The following ARHGEF3 variants were observed in gnomAD, a reference collection of about 807,000 sequenced individuals.
ARHGEF3 encodes the protein Rho guanine nucleotide exchange factor 3.
A neutral mutation model predicts 63.2 loss-of-function variants in ARHGEF3; 28 were observed. The observed-to-expected ratio is 0.44, with a 90% CI of 0.33 to 0.61. The LOEUF is 0.61. Among genes scored for constraint, ARHGEF3 ranks in the 20% least tolerant of loss-of-function variants. The pLI, the probability that ARHGEF3 is intolerant of heterozygous loss-of-function variation, is 0.03. For synonymous variants in ARHGEF3, 266 were observed against 254.2 expected, an observed-to-expected ratio of 1.05 and a Z score of -0.44; for missense variants, 533 against 659.3, an observed-to-expected ratio of 0.81 and a Z score of 2.10.
At chr3:57,024,318 G>A (rs1703381556) in intron 2 of ARHGEF3, among the ~76,000 whole-genome samples, 2 of 148,486 alleles carry the variant, frequency 1.3e-5, no homozygotes, top group Admixed American at 6.7e-5. Context: ...AAAAAAGTAG[G>A]GGGCTGCCTC....
At chr3:57,030,741 T>G (rs1004945541) in intron 2 of ARHGEF3, among the ~76,000 whole-genome samples, 1 of 152,216 alleles carries the variant, frequency 6.6e-6, no homozygotes, top group Non-Finnish European at 1.5e-5. Context: ...CAGTCACTGA[T>G]GACCACAGAA....
chr3:56,910,694 G>GA (rs768972516), intron 3 of ARHGEF3, among the ~76,000 whole-genome samples: 13 of 152,118 alleles, frequency 8.5e-5, no homozygotes, highest in Non-Finnish European at 1.6e-4. Flanking sequence ...TACAGTAACT[G>GA]AAAAATAATA....
chr3:57,055,993 T>G (rs1428239491), intron 1 of ARHGEF3, among the ~76,000 whole-genome samples: 1 of 152,206 alleles, frequency 6.6e-6, no homozygotes, highest in Non-Finnish European at 1.5e-5. Flanking sequence ...TGCTGGGCAC[T>G]GTGTGCCTCT....
chr3:56,822,423 GTA>G (rs890406682), intron 4 of ARHGEF3, among the ~76,000 whole-genome samples: 1 of 152,086 alleles, frequency 6.6e-6, no homozygotes, highest in African/African-American at 2.4e-5. Flanking sequence ...GCATAAACAA[GTA>G]TACTGATGAA....
At chr3:56,984,324 TA>T (rs1701450905) in intron 2 of ARHGEF3, among the ~76,000 whole-genome samples, 2 of 152,154 alleles carry the variant, frequency 1.3e-5, no homozygotes, top group Admixed American at 6.5e-5. Context: ...GTCGCATTGA[TA>T]ATTGTTTCTT....
chr3:56,892,027 C>A (rs931153640), intron 3 of ARHGEF3, among the ~76,000 whole-genome samples: 1 of 152,126 alleles, frequency 6.6e-6, no homozygotes, highest in Non-Finnish European at 1.5e-5. Flanking sequence ...GGAGGGAAGA[C>A]ATGTCCAACC....
chr3:57,078,929 C>G (rs2107439796), intron 1 of ARHGEF3: 1 of 289,580 alleles, frequency 3.5e-6, no homozygotes, highest in East Asian at 5.4e-5. Context: ...CCAGCAGGAG[C>G]GACGGCTAGT....
At chr3:57,029,294 G>C (rs977487484) in intron 2 of ARHGEF3, among the ~76,000 whole-genome samples, 1 of 152,174 alleles carries the variant, frequency 6.6e-6, no homozygotes, top group African/African-American at 2.4e-5. Context: ...GCTGGTCGTG[G>C]TGGCACATGC....
At chr3:56,812,791 A>T (rs976374749) in intron 4 of ARHGEF3, among the ~76,000 whole-genome samples, 3 of 152,242 alleles carry the variant, frequency 2.0e-5, no homozygotes, top group Non-Finnish European at 4.4e-5. Flanking sequence ...AAGAAGCCAA[A>T]GGAAGAAGGA....
At chr3:57,062,121 C>A (rs982657580) in intron 1 of ARHGEF3, among the ~76,000 whole-genome samples, 1 of 151,798 alleles carries the variant, frequency 6.6e-6, no homozygotes, top group African/African-American at 2.4e-5. Flanking sequence ...AATCCAACTC[C>A]ATCTAGATGG....
At chr3:56,813,530 G>A (rs2038150550) in intron 4 of ARHGEF3, among the ~76,000 whole-genome samples, 1 of 152,050 alleles carries the variant, frequency 6.6e-6, no homozygotes, top group South Asian at 2.1e-4. Context: ...CTCTTCATTT[G>A]GATTCTGCTG....
chr3:56,987,086 C>T (rs142235982), intron 2 of ARHGEF3, among the ~76,000 whole-genome samples: 1 of 152,214 alleles, frequency 6.6e-6, no homozygotes, highest in East Asian at 1.9e-4. Context: ...GTGATGCATG[C>T]CTGTAGTCCC....
rs74623810 is a variant in ARHGEF3, at chr3:56,932,089, T to C, written c.129+26734A>G. 5.4e-3 allele frequency among the ~76,000 whole-genome samples: 815 copies of C among 152,328 alleles called. 7 individuals carry two copies. The highest frequency in any genetic ancestry group is 0.019 in the African/African-American group (792 of 41,568). ...TTTAAAATTCCATCTTAAGTAAGCA[T>C]GGGATTTAGTCCAATTCATTGCATT... On this transcript the variant is annotated intron_variant, in intron 3 of 12. Transcript: ENST00000338458.
At chr3:56,741,336 C>T (rs1389596454) in intron 7 of ARHGEF3, among the ~76,000 whole-genome samples, 4 of 151,390 alleles carry the variant, frequency 2.6e-5, no homozygotes, top group Non-Finnish European at 5.9e-5. Flanking sequence ...CAGGCATGCA[C>T]CACCATGCCC....
intron 2 of ARHGEF3, among the ~76,000 whole-genome samples, chr3:57,022,565 C>G (rs1446851257): frequency 6.6e-6 from 1 of 152,156 alleles, no homozygotes; most frequent in African/African-American, 2.4e-5. Flanking sequence ...GCCACATTTC[C>G]TCTTCTCTAC....
intron 1 of ARHGEF3, among the ~76,000 whole-genome samples, chr3:57,065,339 T>C (rs924593291): frequency 1.3e-5 from 2 of 152,152 alleles, no homozygotes; most frequent in African/African-American, 4.8e-5. Context: ...TGTGCACCTG[T>C]AGTCCCAGCT....
At chr3:56,941,190 C>T (rs537233343) in intron 3 of ARHGEF3, 1 of 152,600 alleles carries the variant, frequency 6.6e-6, no homozygotes, top group South Asian at 2.1e-4. Context: ...TTTCATCAGT[C>T]CCCAGAGGCT....
chr3:56,868,078 C>T (rs1360109742), intron 4 of ARHGEF3, among the ~76,000 whole-genome samples: 2 of 152,110 alleles, frequency 1.3e-5, no homozygotes, highest in Non-Finnish European at 2.9e-5. Flanking sequence ...CAAACAACCT[C>T]GTTCTCCCTA....
intron 8 of ARHGEF3, among the ~76,000 whole-genome samples, chr3:56,736,439 T>G (rs1578369165): frequency 1.3e-5 from 2 of 152,192 alleles, no homozygotes; most frequent in Admixed American, 1.3e-4. Context: ...CAATAGAAGA[T>G]AGGTTGTTAT....
Sources: gnomAD v4.1 joint callset for allele counts (sites outside exome capture counted in the v4.1 genomes callset) on GRCh38, gnomAD v4.1.1 for gene constraint, MANE v1.5 for transcripts, NCBI Gene and HGNC (gene_info 2026-07-23, HGNC 2026-07-21) for gene names.